Variants in TBXAS1 observed in about 807,000 individuals in gnomAD.
TBXAS1 encodes thromboxane-A synthase.
A neutral mutation model predicts 60.7 loss-of-function variants in TBXAS1; 48 were observed. That is an observed-to-expected ratio of 0.79 (90% CI 0.63 to 1.01). The LOEUF (loss-of-function observed/expected upper bound fraction) is 1.01, where lower values mean the gene tolerates loss of function less well. Ranked by LOEUF, TBXAS1 falls within the 50% of genes least tolerant of loss-of-function variation. The pLI, the probability that TBXAS1 is intolerant of heterozygous loss-of-function variation, is 0.00. For synonymous variants in TBXAS1, 287 were observed against 269.7 expected (o/e 1.06, Z -0.63); for missense variants, 685 against 686.3 (o/e 1.00, Z 0.02).
At chr7:139,991,862 C>T (rs1031443259) in intron 9 of TBXAS1, among the ~76,000 whole-genome samples, 4 of 152,204 alleles carry the variant, frequency 2.6e-5, no homozygotes, top group Non-Finnish European at 5.9e-5. Context: ...AGCTCTCTAG[C>T]AGGTGGGGCA....
chr7:139,912,405 T>C (rs759348763), intron 4 of TBXAS1, among the ~76,000 whole-genome samples: 4 of 152,210 alleles, frequency 2.6e-5, no homozygotes, highest in Non-Finnish European at 4.4e-5. Context: ...AATAAACATG[T>C]TTGTGAGAAC....
chr7:139,895,334 T>C (rs1804004162), intron 3 of TBXAS1, among the ~76,000 whole-genome samples: 1 of 152,242 alleles, frequency 6.6e-6, no homozygotes, highest in Non-Finnish European at 1.5e-5. Flanking sequence ...ATCCTTTTGT[T>C]ACCCTTGCTA....
intron 4 of TBXAS1, among the ~76,000 whole-genome samples, chr7:139,813,204 G>A (rs1326149363): frequency 6.6e-6 from 1 of 152,244 alleles, no homozygotes; most frequent in Non-Finnish European, 1.5e-5. Context: ...TCCTGTTTGA[G>A]GATAAGAGTG....
chr7:139,918,554 C>G (rs1000815798), intron 4 of TBXAS1, among the ~76,000 whole-genome samples: 2 of 152,170 alleles, frequency 1.3e-5, no homozygotes. Flanking sequence ...TAAGAGTTAA[C>G]AAGCCCCCAG....
At chr7:139,965,815 C>T (rs1449391365) in intron 9 of TBXAS1, among the ~76,000 whole-genome samples, 3 of 152,118 alleles carry the variant, frequency 2.0e-5, no homozygotes, top group Admixed American at 6.5e-5. Flanking sequence ...TAGCCTTGCA[C>T]ATGGCACCCA....
chr7:139,861,147 C>G (rs1800932268), intron 1 of TBXAS1, among the ~76,000 whole-genome samples: 1 of 150,278 alleles, frequency 6.7e-6, no homozygotes, highest in African/African-American at 2.5e-5. Context: ...GTACTCCAGC[C>G]TGGGCAACAA....
chr7:139,991,796 G>A (rs554056467), intron 9 of TBXAS1, among the ~76,000 whole-genome samples: 2 of 152,300 alleles, frequency 1.3e-5, no homozygotes, highest in Admixed American at 6.5e-5. Flanking sequence ...CCAAAAAAGG[G>A]TAACAAAAAC....
intron 9 of TBXAS1, among the ~76,000 whole-genome samples, chr7:139,987,763 C>T (rs970844172): frequency 7.2e-5 from 11 of 152,198 alleles, no homozygotes; most frequent in African/African-American, 1.7e-4. Context: ...TAGTTCCAGA[C>T]GTTTTTTGTC....
intron 5 of TBXAS1, among the ~76,000 whole-genome samples, chr7:139,938,206 T>G (rs1351367673): frequency 3.9e-5 from 6 of 152,038 alleles, no homozygotes; most frequent in Non-Finnish European, 7.4e-5. Flanking sequence ...TCTGATACAG[T>G]GTAGACAGCA....
intron 1 of TBXAS1, among the ~76,000 whole-genome samples, chr7:139,861,849 C>T (rs922456013): frequency 6.6e-6 from 1 of 152,108 alleles, no homozygotes; most frequent in Non-Finnish European, 1.5e-5. Context: ...TCTGGGGGAT[C>T]CAGGGGAATA....
intron 11 of TBXAS1, 44 bp downstream of exon 11, chr7:140,015,904 T>C: frequency 6.2e-7 from 1 of 1,611,836 alleles, no homozygotes; most frequent in Non-Finnish European, 8.5e-7. Context: ...GATGTGAGTG[T>C]GTGGGATAGA....
At chr7:139,893,325 GACACACAC>G (rs71170920) in intron 3 of TBXAS1, among the ~76,000 whole-genome samples, 1,795 of 139,970 alleles carry the variant, frequency 0.013, 13 homozygotes, top group Non-Finnish European at 0.02. Context: ...CTATGGAATA[GACACACAC>G]ACACACACAC....
chr7:140,010,464 A>C (rs1382784119), intron 10 of TBXAS1, among the ~76,000 whole-genome samples: 6 of 152,100 alleles, frequency 3.9e-5, no homozygotes, highest in African/African-American at 1.4e-4. Flanking sequence ...TTGATCTCTT[A>C]TGAGGTTCAG....
chr7:139,917,242 C>T (rs1271044770), intron 4 of TBXAS1, among the ~76,000 whole-genome samples: 1 of 152,220 alleles, frequency 6.6e-6, no homozygotes, highest in Admixed American at 6.5e-5. Context: ...TGTGCAACCT[C>T]ATTTGCCTGC....
rs1354617241 is a variant in TBXAS1, at chr7:140,015,711, T to C, written c.1227-12T>C. 1.2e-6 allele frequency: 2 copies of C among 1,612,690 alleles called. No homozygotes were observed. The highest frequency in any genetic ancestry group is 1.7e-6 in the Non-Finnish European group (2 of 1,179,990). On this transcript the variant is annotated splice_polypyrimidine_tract_variant and intron_variant, in intron 10 of 12. Transcript: ENST00000448866. ...TTCTCTGTATCCACCCCCGACCTGG[T>C]GTTTCCCTCAGATTCACACGGGAGG...
intron 9 of TBXAS1, among the ~76,000 whole-genome samples, chr7:139,996,191 T>G (rs1200246297): frequency 6.6e-6 from 1 of 151,552 alleles, no homozygotes; most frequent in Non-Finnish European, 1.5e-5. Flanking sequence ...GGTCTCGATC[T>G]CCTGGCCTCA....
chr7:140,020,286 A>AT lies in TBXAS1; in HGVS notation c.*189dup. The AT allele has an allele frequency of 1.4e-6, 1 of 706,370 alleles. No homozygotes were observed. Among genetic ancestry groups the AT allele is most frequent in the Non-Finnish European group, 2.6e-6 (1 of 392,042 alleles). The allele number at this position is 706,370 out of a possible 1,614,324, so 43.8% of individuals were successfully genotyped here. ...AACGTTTGTTGCACTTGGTTTTGAC[A>AT]TTGCCAATGGGGTTTGAACCAGTGC... On this transcript the variant is annotated 3_prime_UTR_variant, in exon 13 of 13. Coordinates refer to ENST00000448866, the MANE Select transcript of TBXAS1 (RefSeq NM_001061.7).
At chr7:139,890,052 A>C (rs1803437889) in intron 3 of TBXAS1, among the ~76,000 whole-genome samples, 1 of 152,094 alleles carries the variant, frequency 6.6e-6, no homozygotes, top group Admixed American at 6.5e-5. Context: ...TGTTTCCCGC[A>C]GTGTGTCCTT....
chr7:139,792,868 A>G (rs2117252170), intron 4 of TBXAS1, among the ~76,000 whole-genome samples: 1 of 152,326 alleles, frequency 6.6e-6, no homozygotes, highest in South Asian at 2.1e-4. Flanking sequence ...AGGCCCAGGT[A>G]AGAGAACATC....
Sources: gnomAD v4.1 joint callset for allele counts (sites outside exome capture counted in the v4.1 genomes callset) on GRCh38, gnomAD v4.1.1 for gene constraint, MANE v1.5 for transcripts, NCBI Gene and HGNC (gene_info 2026-07-23, HGNC 2026-07-21) for gene names.